FRAS1: variants seen among roughly 807,000 people sequenced by gnomAD.
The protein encoded by FRAS1 is extracellular matrix organizing protein FRAS1.
In FRAS1, 290 loss-of-function variants were observed where a neutral mutation model predicts 435.2. That is an observed-to-expected ratio of 0.67 (90% CI 0.61 to 0.73). The LOEUF is 0.73. FRAS1 is among the 30% of genes least tolerant of loss of function. The pLI is 0.00. For missense variants in FRAS1, 4,860 were observed against 5,001.5 expected (o/e 0.97, Z 0.85); for synonymous variants, 1,800 against 1,851.0 (o/e 0.97, Z 0.71).
chr4:78,083,626 GTTTTTTT>G (rs35633131), intron 2 of FRAS1, among the ~76,000 whole-genome samples: 32 of 108,290 alleles, frequency 3.0e-4, no homozygotes, highest in Middle Eastern at 6.1e-3. Context: ...TGCAAGTTCT[GTTTTTTT>G]TTTTTTTTTT....
chr4:78,529,236 T>G (rs1721638028), intron 70 of FRAS1, among the ~76,000 whole-genome samples: 1 of 151,922 alleles, frequency 6.6e-6, no homozygotes, highest in African/African-American at 2.4e-5. Context: ...GGAAGGAAGG[T>G]GACCAGGAAA....
At chr4:78,153,104 T>C (rs1720738460) in intron 2 of FRAS1, among the ~76,000 whole-genome samples, 1 of 152,168 alleles carries the variant, frequency 6.6e-6, no homozygotes, top group African/African-American at 2.4e-5. Flanking sequence ...TCCACACTGA[T>C]GCTGCAATGA....
chr4:78,270,555 G>GCCA (rs1425697992), intron 9 of FRAS1, among the ~76,000 whole-genome samples: 6 of 55,674 alleles, frequency 1.1e-4, no homozygotes, highest in East Asian at 6.8e-4. Context: ...CCGCCCCCCC[G>GCCA]CCACCACCAC....
Position 78,387,589 on chromosome 4 carries a change from T to C in FRAS1, c.3863T>C (p.Leu1288Pro). 1 of 1,613,710 alleles carries C rather than the reference T, an allele frequency of 6.2e-7. No homozygotes were observed. Among genetic ancestry groups the C allele is most frequent in the Non-Finnish European group, 8.5e-7 (1 of 1,179,728 alleles). Residue 1288 changes from leucine (L) to proline (P), a missense_variant, in exon 29 of 74, where the codon CTT becomes CCT. Physicochemically the swap from Leu to Pro is moderately conservative, Grantham distance 98. Transcript: ENST00000512123. The stretch of plus-strand genomic sequence containing the variant: ...CAGCTGGATGAACTCTCTAGAGGCC[T>C]TCTCCACTATGCTCATGATGGTTCA... ...QFQLDELSRG[L>P]LHYAHDGSDS...
At chr4:78,254,746 T>G (rs1029578356) in intron 5 of FRAS1, among the ~76,000 whole-genome samples, 5 of 135,944 alleles carry the variant, frequency 3.7e-5, no homozygotes, top group African/African-American at 1.3e-4. Flanking sequence ...AGAAAAAGCT[T>G]TTTTGTTGTT....
At chr4:78,172,322 T>C (rs1389612590) in intron 2 of FRAS1, among the ~76,000 whole-genome samples, 1 of 152,212 alleles carries the variant, frequency 6.6e-6, no homozygotes, top group Non-Finnish European at 1.5e-5. Context: ...ATTTAACATA[T>C]GTTATTTACC....
intron 10 of FRAS1, among the ~76,000 whole-genome samples, chr4:78,279,372 A>G (rs1727211073): frequency 6.6e-6 from 1 of 152,172 alleles, no homozygotes; most frequent in Non-Finnish European, 1.5e-5. Flanking sequence ...TTTTGAGCAG[A>G]AGAGCGCTGG....
At chr4:78,181,115 A>G in intron 2 of FRAS1, 10 of 1,569,446 alleles carry the variant, frequency 6.4e-6, no homozygotes, top group Non-Finnish European at 8.8e-6. Flanking sequence ...TCTTTGATTT[A>G]TGAAAACAAA....
At chr4:78,098,784 T>C (rs1741957614) in intron 2 of FRAS1, among the ~76,000 whole-genome samples, 1 of 152,198 alleles carries the variant, frequency 6.6e-6, no homozygotes, top group Non-Finnish European at 1.5e-5. Flanking sequence ...CCAGAATAAA[T>C]AGTCAGTCAA....
At chr4:78,520,359 C>T (rs1175594931) in intron 67 of FRAS1, among the ~76,000 whole-genome samples, 1 of 151,896 alleles carries the variant, frequency 6.6e-6, no homozygotes. Flanking sequence ...CCCATCCTCC[C>T]TGTTTTCCTC....
At chr4:78,401,529 G>T (rs184991054) in intron 30 of FRAS1, among the ~76,000 whole-genome samples, 10 of 152,158 alleles carry the variant, frequency 6.6e-5, no homozygotes, top group African/African-American at 2.4e-4. Context: ...CTCCAAAAGG[G>T]GTTGTGAATG....
At chr4:78,141,923 G>A (rs1560546820) in intron 2 of FRAS1, among the ~76,000 whole-genome samples, 1 of 152,226 alleles carries the variant, frequency 6.6e-6, no homozygotes, top group East Asian at 1.9e-4. Flanking sequence ...TGGTACGTGG[G>A]AGCTAAGCTA....
chr4:78,463,328 A>G, intron 47 of FRAS1, among the ~76,000 whole-genome samples: 1 of 152,224 alleles, frequency 6.6e-6, no homozygotes, highest in South Asian at 2.1e-4. Flanking sequence ...ATTAATAGAG[A>G]AAAAATGATT....
intron 2 of FRAS1, among the ~76,000 whole-genome samples, chr4:78,117,101 T>G (rs1376556309): frequency 1.3e-5 from 2 of 152,188 alleles, no homozygotes; most frequent in Non-Finnish European, 2.9e-5. Context: ...GCTTAGTTTG[T>G]CTGGATTTGA....
Position 78,452,158 on chromosome 4 carries a change from A to G in FRAS1, c.6584-17A>G. On this transcript the variant is annotated splice_polypyrimidine_tract_variant and intron_variant, in intron 46 of 73. Coordinates refer to ENST00000512123, the MANE Select transcript of FRAS1 (RefSeq NM_025074.7). ...TGAGAAGATCCCATTTCAAATCACT[A>G]TTTCTGATATTTTCAGAAGACAAAT... is the stretch of plus-strand genomic sequence containing the variant. The G allele has an allele frequency of 6.2e-7, 1 of 1,610,030 alleles. No homozygotes were observed. Among genetic ancestry groups the G allele is most frequent in the Admixed American group, 1.7e-5 (1 of 59,982 alleles).
intron 54 of FRAS1, among the ~76,000 whole-genome samples, chr4:78,477,254 T>C (rs918252982): frequency 1.3e-5 from 2 of 152,210 alleles, no homozygotes; most frequent in African/African-American, 4.8e-5. Context: ...TGATAATATC[T>C]TATGTTTGTT....
At chr4:78,382,049 T>C (rs1417193199) in intron 27 of FRAS1, among the ~76,000 whole-genome samples, 1 of 152,220 alleles carries the variant, frequency 6.6e-6, no homozygotes, top group African/African-American at 2.4e-5. Context: ...ATGAAGACAC[T>C]GACCGTGATT....
intron 1 of FRAS1, among the ~76,000 whole-genome samples, chr4:78,064,898 T>G (rs1463817363): frequency 6.6e-6 from 1 of 151,744 alleles, no homozygotes; most frequent in Non-Finnish European, 1.5e-5. Flanking sequence ...TTGGTGTGTA[T>G]ATACTGTTCA....
chr4:78,369,955 A>C lies in FRAS1; in HGVS notation c.2840A>C (p.Tyr947Ser). ...TACGAGAGCTGCGCCCCACAGTACT[A>C]TCTTGACTTCTCCACCAACACGTGC... ...CQYESCAPQY[Y>S]LDFSTNTCKE... Residue 947 changes from tyrosine to serine, a missense_variant, in exon 23 of 74, where the codon TAT becomes TCT. Transcript: ENST00000512123. The C allele has an allele frequency of 6.2e-7, 1 of 1,613,566 alleles. No individual in the cohort carries two copies. Among genetic ancestry groups the C allele is most frequent in the East Asian group, 2.2e-5 (1 of 44,880 alleles).
Sources: gnomAD v4.1 joint callset for allele counts (sites outside exome capture counted in the v4.1 genomes callset) on GRCh38, gnomAD v4.1.1 for gene constraint, MANE v1.5 for transcripts, NCBI Gene and HGNC (gene_info 2026-07-23, HGNC 2026-07-21) for gene names.